The following RBBP8 variants were observed in gnomAD, a reference collection of about 807,000 sequenced individuals.
RBBP8 encodes RB binding protein 8, endonuclease, also known as DNA endonuclease RBBP8.
RBBP8 carries 88 observed loss-of-function variants against 108.3 expected under a neutral mutation model. The ratio of observed to expected loss-of-function variants is 0.81; its 90% CI spans 0.68 to 0.97. The LOEUF is 0.97. Ranked by LOEUF, RBBP8 falls within the 50% of genes least tolerant of loss-of-function variation. The pLI is 0.00. For missense variants in RBBP8, 1,023 were observed against 1,049.0 expected, an observed-to-expected ratio of 0.98 and a Z score of 0.34; for synonymous variants, 332 against 348.2, an observed-to-expected ratio of 0.95 and a Z score of 0.52.
chr18:22,977,905 A>G (rs892533040), intron 6 of RBBP8: 1 of 152,132 alleles, frequency 6.6e-6, no homozygotes, highest in African/African-American at 2.4e-5. Flanking sequence ...TCCTCTGTTC[A>G]TTAACTGTGG....
At chr18:22,997,392 A>C (rs1221681082) in intron 13 of RBBP8, among the ~76,000 whole-genome samples, 1 of 152,226 alleles carries the variant, frequency 6.6e-6, no homozygotes, top group Non-Finnish European at 1.5e-5. Flanking sequence ...TTTCCTTGGC[A>C]GCAGTCCTTC....
intron 15 of RBBP8, among the ~76,000 whole-genome samples, chr18:23,002,991 T>C (rs1465179816): frequency 1.3e-5 from 2 of 152,264 alleles, no homozygotes; most frequent in Non-Finnish European, 2.9e-5. Flanking sequence ...GGTGTACTTA[T>C]TCTGTTCCTT....
chr18:22,960,986 A>G (rs1208681895), intron 4 of RBBP8, among the ~76,000 whole-genome samples: 1 of 152,198 alleles, frequency 6.6e-6, no homozygotes, highest in Non-Finnish European at 1.5e-5. Flanking sequence ...TTCAAGTAAC[A>G]CTAACTGCAT....
At chr18:22,976,968 T>A (rs77538036) in intron 6 of RBBP8, among the ~76,000 whole-genome samples, 1,760 of 152,234 alleles carry the variant, frequency 0.012, 10 homozygotes, top group Non-Finnish European at 0.02. Context: ...CCTGTTGAAA[T>A]TCAAATTTTA....
intron 4 of RBBP8, 126 bp downstream of exon 4, chr18:22,949,839 AATGAATACTTT>A (rs1426112702): frequency 2.9e-6 from 2 of 681,896 alleles, no homozygotes; most frequent in Admixed American, 5.1e-5. Flanking sequence ...CTCACCTTTG[AATGAATACTTT>A]ATGAAAACAA....
intron 6 of RBBP8, among the ~76,000 whole-genome samples, chr18:22,977,242 T>G (rs946915717): frequency 2.6e-5 from 4 of 152,042 alleles, no homozygotes. Flanking sequence ...AGTATCATCT[T>G]GTAAAGGCAA....
chr18:23,022,381 A>G, intron 18 of RBBP8, 111 bp downstream of exon 18: 1 of 1,047,464 alleles, frequency 9.5e-7, no homozygotes. Context: ...TGGGTGGATC[A>G]CCTGAGGTCA....
intron 7 of RBBP8, among the ~76,000 whole-genome samples, chr18:22,983,458 T>G (rs1306115548): frequency 6.6e-6 from 1 of 152,186 alleles, no homozygotes; most frequent in Non-Finnish European, 1.5e-5. Context: ...GGAGCTAAGT[T>G]AAAATGTAAA....
chr18:22,917,327 G>A (rs904640058), intron 3 of RBBP8, among the ~76,000 whole-genome samples: 2 of 152,222 alleles, frequency 1.3e-5, no homozygotes, highest in Non-Finnish European at 2.9e-5. Flanking sequence ...GTGAGCTTTT[G>A]AGCCAAATTG....
At chr18:23,013,143 CA>C (rs2046197571) in intron 16 of RBBP8, among the ~76,000 whole-genome samples, 1 of 151,050 alleles carries the variant, frequency 6.6e-6, no homozygotes, top group East Asian at 1.9e-4. Context: ...TCCCACCATA[CA>C]AATAGAGCTG....
intron 4 of RBBP8, among the ~76,000 whole-genome samples, chr18:22,955,579 CTTTT>C (rs746128314): frequency 2.1e-5 from 3 of 140,220 alleles, no homozygotes; most frequent in African/African-American, 2.6e-5. Context: ...AGGTTTATAT[CTTTT>C]TTTTTTTTTT....
At position 23,024,132 on chromosome 18, in the gene RBBP8, G is replaced by A. The variant is rs550787493; in HGVS notation, c.2596+1862G>A. ...ACTCCTGATCTCAAGTGATCCACCC[G>A]CCTCAGCCTCCCAAAGTGCTGGGAT... On this transcript the variant is annotated intron_variant, in intron 18 of 18. Coordinates refer to ENST00000327155, the MANE Select transcript of RBBP8 (RefSeq NM_002894.3). Among the ~76,000 whole-genome samples, 9 of 137,460 alleles carry A rather than the reference G, an allele frequency of 6.5e-5. No homozygotes were observed. The South Asian group carries it at 1.2e-3, about 19-fold the overall frequency. The allele number at this position is 137,460 out of a possible 152,430, so 90.2% of individuals were successfully genotyped here. A position where few individuals can be genotyped will look rare whatever the true frequency, so the allele number is the denominator to read the frequency against.
chr18:22,936,780 G>T lies in RBBP8; in HGVS notation c.-72G>T. On this transcript the variant is annotated 5_prime_UTR_variant, in exon 2 of 19. Coordinates refer to ENST00000327155, the MANE Select transcript of RBBP8 (RefSeq NM_002894.3). ...TATTTGACCTGTCCAAAGACGACTT[G>T]ATACCTCTATAATGTAACAGAAAAG... 1 of 1,581,600 alleles carries T rather than the reference G, an allele frequency of 6.3e-7. No individual in the cohort carries two copies. The highest frequency in any genetic ancestry group is 8.7e-7 in the Non-Finnish European group (1 of 1,152,508).
chr18:22,975,214 A>G lies in RBBP8; in HGVS notation c.423A>G (p.Lys141=). The G allele has an allele frequency of 6.2e-7, 1 of 1,612,720 alleles. No homozygotes were observed. The highest frequency in any genetic ancestry group is 2.2e-5 in the East Asian group (1 of 44,690). The part of the protein sequence containing the change: ...NKKLSEQLQQ[K]IENDQQHQAA... ...AGCTTTCTGAACAACTCCAGCAGAA[A>G]ATTGAGTAAGTATTTTCCTCCAACC... is the stretch of plus-strand genomic sequence containing the variant. The change falls in exon 6 of 19, where the codon AAA becomes AAG. Residue 141 remains lysine (K), a synonymous_variant. Transcript: ENST00000327155.
At chr18:22,929,394 C>T (rs1310377946), upstream of RBBP8, 1 of 149,430 alleles carries the variant, frequency 6.7e-6, no homozygotes, top group African/African-American at 2.5e-5. Flanking sequence ...AGGATATTGC[C>T]GTAGAAGAGG....
intron 14 of RBBP8, among the ~76,000 whole-genome samples, chr18:22,998,034 G>T (rs2045889452): frequency 6.6e-6 from 1 of 152,146 alleles, no homozygotes; most frequent in Non-Finnish European, 1.5e-5. Flanking sequence ...ATTTCTTTAT[G>T]TATTGCCCAT....
At chr18:22,950,571 CA>C (rs59778562) in intron 4 of RBBP8, among the ~76,000 whole-genome samples, 130,503 of 137,652 alleles carry the variant, frequency 0.95, 61,870 homozygotes, top group East Asian at 0.99. Flanking sequence ...ACCGTGTCTC[CA>C]AAAAAAAAAA....
chr18:23,026,251 A>C lies in RBBP8; in HGVS notation c.*11A>C. 3 of 1,604,176 alleles carry C rather than the reference A, an allele frequency of 1.9e-6. No individual in the cohort carries two copies. Among genetic ancestry groups the C allele is most frequent in the Non-Finnish European group, 2.6e-6 (3 of 1,171,280 alleles). On this transcript the variant is annotated 3_prime_UTR_variant, in exon 19 of 19. Coordinates refer to ENST00000327155, the MANE Select transcript of RBBP8 (RefSeq NM_002894.3). The stretch of plus-strand genomic sequence containing the variant: ...GAGCAGAAGACATAGACGTTGAAAC[A>C]GAAACAGAAGGATGAAGGACAGTTT...
Position 22,975,197 on chromosome 18 carries a change from G to A in RBBP8, c.406G>A (p.Glu136Lys), listed in dbSNP as rs1914413265. 1 of 1,612,578 alleles carries A rather than the reference G, an allele frequency of 6.2e-7. No homozygotes were observed. Among genetic ancestry groups the A allele is most frequent in the Admixed American group, 1.7e-5 (1 of 59,942 alleles). Residue 136 changes from glutamate (E) to lysine (K), a missense_variant, in exon 6 of 19, where the codon GAA becomes AAA. By Grantham distance (56) the Glu-to-Lys change is moderately conservative. Coordinates refer to ENST00000327155, the MANE Select transcript of RBBP8 (RefSeq NM_002894.3). Reference protein sequence around the residue: ...TLQEENKKLSEQLQQKIENDQ... With the variant: ...TLQEENKKLSKQLQQKIENDQ... ...ACAGGAAGAAAATAAAAAGCTTTCT[G>A]AACAACTCCAGCAGAAAATTGAGTA...
Sources: allele counts gnomAD v4.1 joint callset (sites outside exome capture counted in the v4.1 genomes callset), GRCh38; gene constraint gnomAD v4.1.1; transcripts MANE v1.5; gene names NCBI Gene and HGNC (gene_info 2026-07-23, HGNC 2026-07-21).